The following PEG3 variants were observed in gnomAD, a reference collection of about 807,000 sequenced individuals.
The protein encoded by PEG3 is paternally-expressed gene 3 protein.
A neutral mutation model predicts 35.5 loss-of-function variants in PEG3; 23 were observed. The observed-to-expected ratio is 0.65, with a 90% CI of 0.47 to 0.92. PEG3 has a LOEUF of 0.92. PEG3 is among the 40% of genes least tolerant of loss of function. The probability of loss-of-function intolerance (pLI) is 0.00; values close to 1 mark genes in which losing one functional copy is unlikely to be tolerated. For missense variants in PEG3, 1,960 were observed against 1,985.3 expected, an observed-to-expected ratio of 0.99 and a Z score of 0.24; for synonymous variants, 707 against 697.0, an observed-to-expected ratio of 1.01 and a Z score of -0.23.
intron 8 of PEG3, among the ~76,000 whole-genome samples, chr19:56,818,388 T>C (rs1051682143): frequency 3.3e-5 from 5 of 152,204 alleles, no homozygotes; most frequent in Non-Finnish European, 7.3e-5. Context: ...GTCCCCACCC[T>C]GTACAATGTA....
Position 56,813,113 on chromosome 19 carries a change from T to C in PEG3, c.*562A>G. On this transcript the variant is annotated 3_prime_UTR_variant, in exon 10 of 10. Transcript: ENST00000326441. ...ACAAAACAATTACTCAAAAAGATAT[T>C]GACAGGGTTCAAATAATGCACAATA... The C allele has an allele frequency of 1.0e-6, 1 of 984,194 alleles. No homozygotes were observed. Among genetic ancestry groups the C allele is most frequent in the Non-Finnish European group, 1.2e-6 (1 of 828,920 alleles). 61.0% of individuals were successfully genotyped at this position (984,194 alleles called of 1,614,324 possible).
rs141092213 is a variant in PEG3, at chr19:56,815,132, C to T, written c.3310G>A (p.Asp1104Asn). The T allele has an allele frequency of 1.5e-3, 2,448 of 1,613,874 alleles. 4 individuals carry two copies. The highest frequency in any genetic ancestry group is 3.7e-3 in the Admixed American group (225 of 60,006). Residue 1104 changes from aspartate to asparagine, a missense_variant, in exon 10 of 10, where the codon GAC becomes AAC. By Grantham distance (23) the Asp-to-Asn change is conservative. Coordinates refer to ENST00000326441, the MANE Select transcript of PEG3 (RefSeq NM_006210.3). ...CAGTCCTCACATTCATAGATTTTGT[C>T]ATCAGGGTCATCCTTCTGAGGGTCT... ...MEDPQKDDPD[D>N]KIYECEDCGL...
At chr19:56,822,473 A>C (rs1339742947) in intron 6 of PEG3, 8 of 376,278 alleles carry the variant, frequency 2.1e-5, no homozygotes, top group African/African-American at 1.7e-4. Flanking sequence ...GCAGTGGCAT[A>C]GTCTTTCATA....
rs752107542 is a variant in PEG3 at position 56,816,649 on chromosome 19, CGTTCAT to C, written c.1787_1792del (p.His596_Glu597del). On this transcript the variant is annotated inframe_deletion, in exon 10 of 10. Transcript: ENST00000326441. ...TTCCCCGCGCTCACGTTCACGTTCACGTTCATGTTCACGCTCATTATCTTTGTCATC... is the reference window on the plus strand; with the variant it reads ...TTCCCCGCGCTCACGTTCACGTTCACGTTCACGCTCATTATCTTTGTCATC... The C allele has an allele frequency of 1.5e-4, 237 of 1,613,514 alleles. No homozygotes were observed. Among genetic ancestry groups the C allele is most frequent in the African/African-American group, 3.9e-4 (29 of 75,018 alleles).
At chr19:56,826,053 C>T (rs559010960) in intron 3 of PEG3, among the ~76,000 whole-genome samples, 9 of 152,290 alleles carry the variant, frequency 5.9e-5, no homozygotes, top group East Asian at 5.8e-4. Flanking sequence ...AAGACCTTAG[C>T]GACTGGACTA....
chr19:56,839,984 G>A (rs2062800074), intron 1 of PEG3, among the ~76,000 whole-genome samples: 1 of 152,212 alleles, frequency 6.6e-6, no homozygotes, highest in Admixed American at 6.5e-5. Context: ...ACCCCTACAG[G>A]CAGGACAGCC....
At chr19:56,825,182 G>T (rs2060900077) in intron 3 of PEG3, among the ~76,000 whole-genome samples, 3 of 152,210 alleles carry the variant, frequency 2.0e-5, no homozygotes, top group Admixed American at 2.0e-4. Context: ...TAGCAAAAAT[G>T]AAAAGGGGAA....
At position 56,817,790 on chromosome 19, in the gene PEG3, TG is replaced by T. The variant is rs775113538; in HGVS notation, c.817del (p.His273ThrfsTer17). 6.2e-7 allele frequency: 1 copy of T among 1,614,122 alleles called. No homozygotes were observed. ...DDGHSHMTQGHSSRSKRSAYP... is the reference protein window; with the variant it reads ...DDGHSHMTQGXSSRSKRSAYP... The stretch of plus-strand genomic sequence containing the variant: ...GGCACTTCTCTTGGATCTTGATGAG[TG>T]GCCCTGCGTCATGTGGGAGTGGCCA... On this transcript the variant is annotated frameshift_variant, in exon 9 of 10. Transcript: ENST00000326441. LOFTEE classifies it low-confidence loss of function (END_TRUNC).
Position 56,812,410 on chromosome 19 carries a change from T to G in PEG3, c.*1265A>C. 1.0e-6 allele frequency: 1 copy of G among 982,608 alleles called. No individual in the cohort carries two copies. The highest frequency in any genetic ancestry group is 1.2e-6 in the Non-Finnish European group (1 of 828,898). 60.9% of individuals were successfully genotyped at this position (982,608 alleles called of 1,614,324 possible). ...GAGTCCATGTTAAGCTTGGGTTGAC[T>G]GTAAAGAATTTTTTTTTTTTTAATG... On this transcript the variant is annotated 3_prime_UTR_variant, in exon 10 of 10. Transcript: ENST00000326441.
chr19:56,823,741 C>A (rs2060737028), intron 4 of PEG3, 62 bp from the exon 5 acceptor site: 2 of 1,582,232 alleles, frequency 1.3e-6, no homozygotes, highest in African/African-American at 1.3e-5. Context: ...TAGTTCCCCC[C>A]AATCCCTGAG....
At position 56,811,075 on chromosome 19, in the gene PEG3, A is replaced by G; in HGVS notation, c.*2600T>C. Reference sequence around the variant, plus strand: ...AATGAACAAGATAAGAGGAGAGTATATGTCTTTGGATGGTGGGGATATGAT... The same window carrying G: ...AATGAACAAGATAAGAGGAGAGTATGTGTCTTTGGATGGTGGGGATATGAT... On this transcript the variant is annotated 3_prime_UTR_variant, in exon 10 of 10. Transcript: ENST00000326441. The G allele has an allele frequency of 1.0e-6, 1 of 984,588 alleles. No homozygotes were observed. The highest frequency in any genetic ancestry group is 1.2e-6 in the Non-Finnish European group (1 of 829,206). The allele number at this position is 984,588 out of a possible 1,614,324, so 61.0% of individuals were successfully genotyped here. A position where few individuals can be genotyped will look rare whatever the true frequency, so the allele number is the denominator to read the frequency against.
Position 56,823,622 on chromosome 19 carries a change from G to T in PEG3, c.452C>A (p.Ser151Tyr), listed in dbSNP as rs371901713. 19 of 1,614,000 alleles carry T rather than the reference G, an allele frequency of 1.2e-5. No individual in the cohort carries two copies. Among genetic ancestry groups the T allele is most frequent in the Non-Finnish European group, 2.5e-6 (3 of 1,180,034 alleles). The change falls in exon 5 of 10, where the codon TCC becomes TAC. Residue 151 changes from serine (S) to tyrosine (Y), a missense_variant. Transcript: ENST00000326441. ...DDDMTRNRRE[S>Y]SPPHSVHSFS... ...AGAATGGACTGAGTGAGGTGGTGAG[G>T]ACTCTCTTCTGTTCCGGGTCATGTC...
At chr19:56,835,161 C>T (rs2061962887) in intron 2 of PEG3, among the ~76,000 whole-genome samples, 1 of 152,146 alleles carries the variant, frequency 6.6e-6, no homozygotes, top group Non-Finnish European at 1.5e-5. Context: ...GGTCTCCCCA[C>T]ACCCACTGCG....
chr19:56,821,123 T>C (rs1389962448), intron 7 of PEG3, among the ~76,000 whole-genome samples: 2 of 152,252 alleles, frequency 1.3e-5, no homozygotes, highest in Admixed American at 6.5e-5. Flanking sequence ...TATGTATGTG[T>C]GTGAGTGACT....
Position 56,817,321 on chromosome 19 carries a change from C to A in PEG3, c.1121G>T (p.Gly374Val). 2 of 1,614,112 alleles carry A rather than the reference C, an allele frequency of 1.2e-6. No individual in the cohort carries two copies. Among genetic ancestry groups the A allele is most frequent in the Non-Finnish European group, 1.7e-6 (2 of 1,179,992 alleles). ...RVYEGNAFRGGFRFNSTLVSR... is the reference protein window; with the variant it reads ...RVYEGNAFRGVFRFNSTLVSR... ...AACAAGGGTTGAATTAAACCTAAAGCCTCCCCTAAATGCATTCCCTTCATA... is the reference window on the plus strand; with the variant it reads ...AACAAGGGTTGAATTAAACCTAAAGACTCCCCTAAATGCATTCCCTTCATA... Residue 374 changes from glycine (G) to valine (V), a missense_variant, in exon 10 of 10, where the codon GGC (glycine) becomes GTC (valine). By Grantham distance (109) the Gly-to-Val change is moderately radical. Around this residue, in one of 5 missense-constraint regions of PEG3, gnomAD observed 613 missense variants for 577.1 expected, o/e 1.06. Coordinates refer to ENST00000326441, the MANE Select transcript of PEG3 (RefSeq NM_006210.3).
In PEG3 at chr19:56,824,445, A is replaced by G. The variant is rs1476346396; in HGVS notation, c.211T>C (p.Cys71Arg). 6.2e-6 allele frequency: 10 copies of G among 1,614,022 alleles called. No individual in the cohort carries two copies. Among genetic ancestry groups the G allele is most frequent in the Non-Finnish European group, 7.6e-6 (9 of 1,180,036 alleles). The change falls in exon 4 of 10, where the codon TGC becomes CGC. Residue 71 changes from cysteine (C) to arginine (R), a missense_variant. Cys to Arg is a radical substitution (Grantham distance 180, BLOSUM62 -3). Transcript: ENST00000326441. ...RKTLIKLRNL[C>R]LDWLQPETRT... ...GTCTCCGGCTGCAACCAATCGAGGCAGAGGTTTCGGAGTTTGATCAGGGTC... is the reference window on the plus strand; with the variant it reads ...GTCTCCGGCTGCAACCAATCGAGGCGGAGGTTTCGGAGTTTGATCAGGGTC...
intron 2 of PEG3, among the ~76,000 whole-genome samples, chr19:56,831,797 G>C (rs944616138): frequency 6.6e-6 from 1 of 152,184 alleles, no homozygotes; most frequent in Admixed American, 6.5e-5. Flanking sequence ...ACACCCACTG[G>C]TTAACTTTGT....
In PEG3 at chr19:56,817,818, C is replaced by A. The variant is rs771803012; in HGVS notation, c.790G>T (p.Asp264Tyr). Reference protein sequence around the residue: ...LLSLVQLAEDDGHSHMTQGHS... With the variant: ...LLSLVQLAEDYGHSHMTQGHS... ...CCCTGCGTCATGTGGGAGTGGCCAT[C>A]GTCTTCAGCAAGCTGCACTCCTGGT... The change falls in exon 9 of 10, where the codon GAT becomes TAT. Residue 264 changes from aspartate to tyrosine, a missense_variant. Transcript: ENST00000326441. 1.9e-6 allele frequency: 3 copies of A among 1,614,012 alleles called. No homozygotes were observed. Among genetic ancestry groups the A allele is most frequent in the Non-Finnish European group, 2.5e-6 (3 of 1,179,990 alleles).
chr19:56,840,091 GGGGCA>G (rs1255940369), intron 1 of PEG3, among the ~76,000 whole-genome samples: 2 of 152,218 alleles, frequency 1.3e-5, no homozygotes, highest in African/African-American at 4.8e-5. Flanking sequence ...CCCGCAGGAA[GGGGCA>G]TTTTCGCAGC....
Sources: allele counts gnomAD v4.1 joint callset (sites outside exome capture counted in the v4.1 genomes callset), GRCh38; gene constraint gnomAD v4.1.1; regional missense constraint gnomAD v4.1.1; transcripts MANE v1.5; gene names NCBI Gene and HGNC (gene_info 2026-07-23, HGNC 2026-07-21).